Variants in GALNT9 observed in about 807,000 individuals in gnomAD.
The protein encoded by GALNT9 is GalNAc transferase 9.
In GALNT9, 47 loss-of-function variants were observed where a neutral mutation model predicts 63.1. The observed-to-expected ratio is 0.75, with a 90% confidence interval of 0.59 to 0.95. GALNT9 has a LOEUF of 0.95. GALNT9 is among the 40% of genes least tolerant of loss of function. The pLI is 0.00. For missense variants in GALNT9, 829 were observed against 874.8 expected (o/e 0.95, Z 0.66); for synonymous variants, 396 against 365.7 (o/e 1.08, Z -0.94).
In GALNT9 at chr12:132,261,062, A is replaced by G. The variant is rs1330997562; in HGVS notation, c.647T>C (p.Ile216Thr). Residue 216 changes from isoleucine (I) to threonine (T), a missense_variant, in exon 4 of 11, where the codon ATT becomes ACT. Ile to Thr is a moderately conservative substitution (Grantham distance 89, BLOSUM62 -1). Transcript: ENST00000328957. Reference protein sequence around the residue: ...VNKRYPGLVKIVRNSRREGLI... With the variant: ...VNKRYPGLVKTVRNSRREGLI... ...TCCTTCCCGCCGGCTGTTGCGGACAATCTTCACGAGGCCTGGGTACCGCTT... is the reference window on the plus strand; with the variant it reads ...TCCTTCCCGCCGGCTGTTGCGGACAGTCTTCACGAGGCCTGGGTACCGCTT... The G allele has an allele frequency of 1.5e-5, 24 of 1,551,390 alleles. No homozygotes were observed. Among genetic ancestry groups the G allele is most frequent in the African/African-American group, 2.7e-5 (2 of 73,032 alleles).
intron 5 of GALNT9, among the ~76,000 whole-genome samples, chr12:132,250,398 C>T (rs1463056038): frequency 1.3e-5 from 2 of 152,232 alleles, no homozygotes; most frequent in Non-Finnish European, 2.9e-5. Flanking sequence ...GGTCGAAACA[C>T]CGCAGAGGTG....
At chr12:132,266,563 A>C (rs959106875) in intron 2 of GALNT9, among the ~76,000 whole-genome samples, 2 of 152,216 alleles carry the variant, frequency 1.3e-5, no homozygotes, top group Non-Finnish European at 2.9e-5. Flanking sequence ...AGCCCAGGGA[A>C]GCCTGGAGCC....
chr12:132,293,942 A>C (rs973364112), intron 1 of GALNT9, among the ~76,000 whole-genome samples: 11 of 152,272 alleles, frequency 7.2e-5, no homozygotes, highest in African/African-American at 2.7e-4. Context: ...AGCTGGAACG[A>C]GAAGTGGAGC....
chr12:132,297,063 C>T (rs1225454778), intron 1 of GALNT9, among the ~76,000 whole-genome samples: 1 of 148,132 alleles, frequency 6.8e-6, no homozygotes, highest in Non-Finnish European at 1.5e-5. Context: ...AACTAACTCA[C>T]TCCGAAGATG....
chr12:132,269,519 C>T (rs945528693), intron 2 of GALNT9, among the ~76,000 whole-genome samples: 3 of 150,798 alleles, frequency 2.0e-5, no homozygotes, highest in Non-Finnish European at 3.0e-5. Context: ...GTGCCGGTCC[C>T]GAGCCCAGGG....
Position 132,197,805 on chromosome 12 carries a change from C to T in GALNT9, c.1652G>A (p.Trp551Ter). The T allele has an allele frequency of 6.3e-7, 1 of 1,581,880 alleles. No homozygotes were observed. Among genetic ancestry groups the T allele is most frequent in the Non-Finnish European group, 8.6e-7 (1 of 1,164,164 alleles). ...CCAGAGGCTGACCTGGGTGAAGTCC[C>T]ACAGCCGCTGTGTTGGCCGCGCCAC... ...EDVARPTQRLWDFTQSGPIVS... is the reference protein window; with the variant it reads ...EDVARPTQRL The change falls in exon 10 of 11, where the codon TGG becomes TAG. Residue 551 changes from tryptophan to a stop codon, truncating the protein, a stop_gained. Transcript: ENST00000328957. LOFTEE classifies it high-confidence loss of function.
intron 1 of GALNT9, among the ~76,000 whole-genome samples, chr12:132,317,802 T>C (rs1169614714): frequency 6.6e-6 from 1 of 151,670 alleles, no homozygotes; most frequent in Non-Finnish European, 1.5e-5. Context: ...GGAGGAGGGG[T>C]ATCGGTGGGG....
At chr12:132,235,716 G>T (rs1181272648) in intron 6 of GALNT9, among the ~76,000 whole-genome samples, 3 of 139,622 alleles carry the variant, frequency 2.1e-5, no homozygotes, top group Non-Finnish European at 3.1e-5. Flanking sequence ...TCGGGACAGG[G>T]CAGGAGGGTC....
At chr12:132,278,024 C>G (rs1880176358) in intron 2 of GALNT9, 1 of 150,766 alleles carries the variant, frequency 6.6e-6, no homozygotes, top group African/African-American at 2.4e-5. Context: ...CACACCCACC[C>G]TCTCTGGTTT....
At chr12:132,218,387 C>T (rs1639344227) in intron 6 of GALNT9, among the ~76,000 whole-genome samples, 3 of 152,240 alleles carry the variant, frequency 2.0e-5, no homozygotes, top group Admixed American at 2.0e-4. Context: ...GGTACCTAGT[C>T]AGCACTTTCC....
intron 1 of GALNT9, among the ~76,000 whole-genome samples, chr12:132,308,126 C>T (rs868929477): frequency 2.6e-5 from 4 of 152,116 alleles, no homozygotes; most frequent in South Asian, 2.1e-4. Flanking sequence ...CTGCGTGTGA[C>T]GGAGGCAGAG....
intron 6 of GALNT9, among the ~76,000 whole-genome samples, chr12:132,231,030 G>C (rs1047968290): frequency 7.8e-5 from 11 of 140,860 alleles, no homozygotes; most frequent in African/African-American, 2.4e-4. Flanking sequence ...CCACACACTC[G>C]ATGGGGCGAC....
intron 1 of GALNT9, among the ~76,000 whole-genome samples, chr12:132,305,619 ACCCGGGCACAC>A (rs1555244579): frequency 1.4e-5 from 2 of 138,228 alleles, no homozygotes; most frequent in African/African-American, 5.5e-5. Context: ...GCACACCCTC[ACCCGGGCACAC>A]CCTCACCCGG....
At chr12:132,215,518 T>A (rs960874870) in intron 6 of GALNT9, among the ~76,000 whole-genome samples, 2 of 152,236 alleles carry the variant, frequency 1.3e-5, no homozygotes, top group Non-Finnish European at 2.9e-5. Flanking sequence ...CCAAGAGCGC[T>A]GCCATGCCAG....
chr12:132,285,705 G>T (rs970112020), intron 2 of GALNT9, among the ~76,000 whole-genome samples: 1 of 152,246 alleles, frequency 6.6e-6, no homozygotes, highest in South Asian at 2.1e-4. Flanking sequence ...TCTGCTGCGT[G>T]AGCCATGGTG....
chr12:132,220,298 GC>G (rs941087837), intron 6 of GALNT9, among the ~76,000 whole-genome samples: 2 of 152,192 alleles, frequency 1.3e-5, no homozygotes, highest in African/African-American at 2.4e-5. Flanking sequence ...AATTCTAGGA[GC>G]GTCAGCCAAG....
At chr12:132,272,519 A>C (rs1377596394) in intron 2 of GALNT9, among the ~76,000 whole-genome samples, 2 of 152,210 alleles carry the variant, frequency 1.3e-5, no homozygotes, top group Non-Finnish European at 2.9e-5. Context: ...TTTCCGCAGG[A>C]GAATGCTCTT....
chr12:132,287,729 G>T (rs914315903), intron 1 of GALNT9, among the ~76,000 whole-genome samples: 3 of 152,190 alleles, frequency 2.0e-5, no homozygotes, highest in Admixed American at 1.3e-4. Context: ...AGCTTGGTCA[G>T]GGTGTGTGGA....
At chr12:132,237,055 C>T (rs1385375078) in intron 6 of GALNT9, among the ~76,000 whole-genome samples, 10 of 152,290 alleles carry the variant, frequency 6.6e-5, no homozygotes, top group African/African-American at 2.4e-4. Flanking sequence ...ACTTCTCCTC[C>T]ATCTCTCAGG....
Sources: gnomAD v4.1 joint callset for allele counts (sites outside exome capture counted in the v4.1 genomes callset) on GRCh38, gnomAD v4.1.1 for gene constraint, MANE v1.5 for transcripts, NCBI Gene and HGNC (gene_info 2026-07-23, HGNC 2026-07-21) for gene names.